RAC2: variants seen among roughly 807,000 people sequenced by gnomAD.
The protein encoded by RAC2 is ras-related C3 botulinum toxin substrate 2.
In RAC2, 1 loss-of-function variant was observed where a neutral mutation model predicts 24.0. The observed-to-expected ratio is 0.04, with a 90% CI of 0.01 to 0.20. The LOEUF is 0.20. Ranked by LOEUF, RAC2 falls within the 10% of genes least tolerant of loss-of-function variation. The pLI is 1.00. For missense variants in RAC2, 130 were observed against 259.1 expected (o/e 0.50, Z 3.42); for synonymous variants, 114 against 106.8 (o/e 1.07, Z -0.41).
At chr22:37,234,981 G>A (rs1927180558) in intron 2 of RAC2, among the ~76,000 whole-genome samples, 1 of 152,164 alleles carries the variant, frequency 6.6e-6, no homozygotes, top group South Asian at 2.1e-4. Context: ...GCAGGCACTT[G>A]GTGAGTCTCC....
chr22:37,243,138 G>A (rs963357248), intron 1 of RAC2, among the ~76,000 whole-genome samples: 2 of 152,166 alleles, frequency 1.3e-5, no homozygotes, highest in East Asian at 1.9e-4. Flanking sequence ...AGCTGGGACT[G>A]CAGGCGCATA....
intron 1 of RAC2, 131 bp from the exon 2 acceptor site, chr22:37,241,789 G>A: frequency 2.6e-6 from 2 of 780,280 alleles, no homozygotes; most frequent in Non-Finnish European, 2.3e-6. Context: ...GTCTCCCCAT[G>A]TGAGATGCCC....
intron 5 of RAC2, among the ~76,000 whole-genome samples, chr22:37,228,778 G>T (rs1208835490): frequency 6.6e-6 from 1 of 152,232 alleles, no homozygotes; most frequent in Non-Finnish European, 1.5e-5. Flanking sequence ...GCCCACTGAG[G>T]CCAGGTGCTG....
intron 6 of RAC2, 44 bp downstream of exon 6, chr22:37,226,627 C>G: frequency 1.2e-6 from 2 of 1,605,888 alleles, no homozygotes; most frequent in Non-Finnish European, 8.5e-7. Context: ...TCAGCCAGGG[C>G]CTGCTGTGTA....
intron 5 of RAC2, among the ~76,000 whole-genome samples, chr22:37,228,744 A>C (rs920785444): frequency 2.0e-4 from 30 of 152,022 alleles, no homozygotes; most frequent in Non-Finnish European, 3.1e-4. Context: ...GGATGGCAGG[A>C]GGGGCAGCCC....
intron 2 of RAC2, chr22:37,240,661 CCATGG>C (rs1311974112): frequency 3.6e-6 from 1 of 274,518 alleles, no homozygotes; most frequent in East Asian, 7.5e-5. Context: ...AAAGAGCTGG[CCATGG>C]CTCCCTGCCC....
rs547184949 is a variant in RAC2, at chr22:37,238,382, A to G, written c.107+3205T>C. On this transcript the variant is annotated intron_variant, in intron 2 of 6. Transcript: ENST00000249071. Reference sequence around the variant, plus strand: ...CTCCCGAGTCGCTGGGACTACAGGCATGCACCACCATGCCCGGCTAATTTT... The same window carrying G: ...CTCCCGAGTCGCTGGGACTACAGGCGTGCACCACCATGCCCGGCTAATTTT... Among the ~76,000 whole-genome samples the G allele has an allele frequency of 1.9e-4, 29 of 152,192 alleles. No homozygotes were observed. The South Asian group carries it at 5.8e-3, about 31-fold the overall frequency.
chr22:37,237,060 A>G (rs1927246179), intron 2 of RAC2, among the ~76,000 whole-genome samples: 1 of 152,152 alleles, frequency 6.6e-6, no homozygotes, highest in East Asian at 1.9e-4. Context: ...GTGGTGGTGC[A>G]TGCCTGTAGT....
intron 2 of RAC2, among the ~76,000 whole-genome samples, chr22:37,239,851 G>A (rs900003758): frequency 6.6e-6 from 1 of 152,156 alleles, no homozygotes; most frequent in Non-Finnish European, 1.5e-5. Context: ...CTCCCTCCCT[G>A]CTCAGGTTTG....
rs1378137406 is a variant in RAC2, at chr22:37,231,199, C to G, written c.448+32G>C. 6.2e-7 allele frequency: 1 copy of G among 1,612,206 alleles called. No individual in the cohort carries two copies. Among genetic ancestry groups the G allele is most frequent in the Admixed American group, 1.7e-5 (1 of 60,018 alleles). On this transcript the variant is annotated intron_variant, in intron 5 of 6. Coordinates refer to ENST00000249071, the MANE Select transcript of RAC2 (RefSeq NM_002872.5). This position sits in a 1 kb window ranked among gnomAD's most constrained non-coding sequence, Gnocchi z 5.5. ...GGCCAAGTCAGGGCCTCCCCTGCAGCCAGATCGCCCCTCTGAGCCCGAGGC... is the reference window on the plus strand; with the variant it reads ...GGCCAAGTCAGGGCCTCCCCTGCAGGCAGATCGCCCCTCTGAGCCCGAGGC...
At chr22:37,226,565 C>A in intron 6 of RAC2, 106 bp downstream of exon 6, 1 of 1,463,318 alleles carries the variant, frequency 6.8e-7, no homozygotes, top group Non-Finnish European at 9.3e-7. Flanking sequence ...CCATACCCAC[C>A]TTCTTTCTGT....
chr22:37,235,492 AACC>A (rs1487885182), intron 2 of RAC2, among the ~76,000 whole-genome samples: 1 of 152,038 alleles, frequency 6.6e-6, no homozygotes, highest in Non-Finnish European at 1.5e-5. Context: ...ACCCCACCTA[AACC>A]AGCACTCCTT....
intron 2 of RAC2, among the ~76,000 whole-genome samples, chr22:37,234,558 A>C (rs1211546849): frequency 6.6e-6 from 1 of 152,080 alleles, no homozygotes; most frequent in African/African-American, 2.4e-5. Context: ...GGTCCCCCAC[A>C]CAGGCCCTGA....
chr22:37,244,056 G>A (rs974671889), intron 1 of RAC2, 58 bp downstream of exon 1: 14 of 1,608,370 alleles, frequency 8.7e-6, no homozygotes, highest in South Asian at 1.1e-5. Flanking sequence ...GCACCAGGGC[G>A]GAAGGATCTC....
At chr22:37,229,412 A>G (rs182290525) in intron 5 of RAC2, among the ~76,000 whole-genome samples, 84 of 152,278 alleles carry the variant, frequency 5.5e-4, no homozygotes, top group African/African-American at 2.0e-3. Context: ...AGCCAGCAAC[A>G]TGTCCCCCCG....
chr22:37,230,106 A>T (rs902091401), intron 5 of RAC2, among the ~76,000 whole-genome samples: 15 of 152,076 alleles, frequency 9.9e-5, no homozygotes, highest in African/African-American at 3.6e-4. Context: ...TGGCCCTAGG[A>T]CAGGGGAAGG....
intron 6 of RAC2, 46 bp downstream of exon 6, chr22:37,226,625 G>A: frequency 1.2e-6 from 2 of 1,605,186 alleles, no homozygotes; most frequent in Non-Finnish European, 1.7e-6. Flanking sequence ...GCTCAGCCAG[G>A]GCCTGCTGTG....
intron 5 of RAC2, among the ~76,000 whole-genome samples, chr22:37,229,611 C>T (rs1926994371): frequency 6.6e-6 from 1 of 152,184 alleles, no homozygotes; most frequent in Non-Finnish European, 1.5e-5. Flanking sequence ...TGCTGCTTCC[C>T]TCACTATCCC....
At position 37,231,355 on chromosome 22, in the gene RAC2, T is replaced by G. The variant is rs1927055086; in HGVS notation, c.324A>C (p.Thr108=). 6.2e-7 allele frequency: 1 copy of G among 1,614,008 alleles called. No individual in the cohort carries two copies. Among genetic ancestry groups the G allele is most frequent in the East Asian group, 2.2e-5 (1 of 44,864 alleles). The part of the protein sequence containing the change: ...FPEVRHHCPS[T]PIILVGTKLD... ...GCTTGGTGCCCACCAGGATGATGGG[T>G]GTGCTGGGGCAGTGGTGCCGCACTT... Residue 108 remains threonine (T), a synonymous_variant, in exon 5 of 7, where the codon ACA becomes ACC. Coordinates refer to ENST00000249071, the MANE Select transcript of RAC2 (RefSeq NM_002872.5). This position sits in a 1 kb window ranked among gnomAD's most constrained non-coding sequence, Gnocchi z 5.5.
Sources: gnomAD v4.1 joint callset for allele counts (sites outside exome capture counted in the v4.1 genomes callset) on GRCh38, gnomAD v4.1.1 for gene constraint, Gnocchi (gnomAD v3.1) non-coding constraint, MANE v1.5 for transcripts, NCBI Gene and HGNC (gene_info 2026-07-23, HGNC 2026-07-21) for gene names.